NALF1: variants seen among roughly 807,000 people sequenced by gnomAD.
NALF1 encodes family with sequence similarity 155 member A.
A neutral mutation model predicts 48.4 loss-of-function variants in NALF1; 3 were observed. The ratio of observed to expected loss-of-function variants is 0.06; its 90% CI spans 0.03 to 0.16. NALF1 has a LOEUF of 0.16. Among genes scored for constraint, NALF1 ranks in the 10% least tolerant of loss-of-function variants. NALF1 has a pLI of 1.00. For synonymous variants in NALF1, 262 were observed against 245.7 expected (o/e 1.07, Z -0.62); for missense variants, 526 against 571.5 (o/e 0.92, Z 0.81).
At chr13:107,835,699 A>C (rs1879869437) in intron 1 of NALF1, among the ~76,000 whole-genome samples, 1 of 152,194 alleles carries the variant, frequency 6.6e-6, no homozygotes, top group South Asian at 2.1e-4. Flanking sequence ...AATAATATTC[A>C]AGCAATAGTG....
At chr13:107,704,967 C>A (rs1011184925) in intron 1 of NALF1, among the ~76,000 whole-genome samples, 2 of 152,166 alleles carry the variant, frequency 1.3e-5, no homozygotes, top group Non-Finnish European at 2.9e-5. Context: ...TCATGCCTGG[C>A]CTATATAACT....
chr13:107,806,029 G>A (rs986337000), intron 1 of NALF1, among the ~76,000 whole-genome samples: 2 of 152,246 alleles, frequency 1.3e-5, no homozygotes, highest in East Asian at 3.9e-4. Context: ...AGAAAGAAAC[G>A]AAGAAAGATT....
At chr13:107,766,095 T>C (rs1333727784) in intron 1 of NALF1, among the ~76,000 whole-genome samples, 2 of 152,192 alleles carry the variant, frequency 1.3e-5, no homozygotes, top group African/African-American at 4.8e-5. Flanking sequence ...CATTTGATGA[T>C]TGCCTTTCAT....
At chr13:107,397,503 T>C (rs1346782903) in intron 1 of NALF1, among the ~76,000 whole-genome samples, 1 of 152,236 alleles carries the variant, frequency 6.6e-6, no homozygotes, top group East Asian at 1.9e-4. Context: ...ACAAAAATGA[T>C]TGGCGGGCAC....
chr13:107,481,157 A>G (rs1021039469), intron 1 of NALF1, among the ~76,000 whole-genome samples: 6 of 152,174 alleles, frequency 3.9e-5, no homozygotes, highest in Non-Finnish European at 7.3e-5. Flanking sequence ...TTTGACAAAC[A>G]TATTACCACT....
chr13:107,627,925 A>G (rs1194859191), intron 1 of NALF1, among the ~76,000 whole-genome samples: 1 of 152,154 alleles, frequency 6.6e-6, no homozygotes, highest in Non-Finnish European at 1.5e-5. Context: ...CTAAAAAAAT[A>G]ATAATAAATA....
chr13:107,502,719 G>A (rs1875561826), intron 1 of NALF1, among the ~76,000 whole-genome samples: 1 of 152,116 alleles, frequency 6.6e-6, no homozygotes, highest in Non-Finnish European at 1.5e-5. Flanking sequence ...ACAGGCACAT[G>A]ATTAAATCTA....
intron 1 of NALF1, among the ~76,000 whole-genome samples, chr13:107,721,871 C>T (rs994568652): frequency 2.6e-5 from 4 of 152,140 alleles, no homozygotes; most frequent in Non-Finnish European, 4.4e-5. Flanking sequence ...ACAACACATC[C>T]CTACCGCAGA....
At chr13:107,345,335 C>T (rs1438411106) in intron 1 of NALF1, among the ~76,000 whole-genome samples, 1 of 151,940 alleles carries the variant, frequency 6.6e-6, no homozygotes, top group Non-Finnish European at 1.5e-5. Flanking sequence ...CTGGAAGGAC[C>T]CTGAATGGCC....
rs1443390910 is a variant in NALF1, at chr13:107,210,081, C to CACAT, written c.1087+502_1087+503insATGT. 3.9e-5 allele frequency among the ~76,000 whole-genome samples: 6 copies of CACAT among 151,974 alleles called. No individual in the cohort carries two copies. In the East Asian group the frequency reaches 1.2e-3, roughly 29 times the overall value. On this transcript the variant is annotated intron_variant, in intron 2 of 2. Coordinates refer to ENST00000375915, the MANE Select transcript of NALF1 (RefSeq NM_001080396.3). Reference sequence around the variant, plus strand: ...TGTGGCTCTAATAGACACACACACACACACACGTACAATTTAGGCAGATAT... The same window carrying CACAT: ...TGTGGCTCTAATAGACACACACACACACATACACACGTACAATTTAGGCAGATAT...
intron 1 of NALF1, among the ~76,000 whole-genome samples, chr13:107,622,238 G>A (rs1879538730): frequency 6.6e-6 from 1 of 151,964 alleles, no homozygotes; most frequent in African/African-American, 2.4e-5. Flanking sequence ...AGACCAGCCT[G>A]AACAACATGG....
intron 1 of NALF1, among the ~76,000 whole-genome samples, chr13:107,215,989 A>G (rs1879865660): frequency 6.6e-6 from 1 of 152,210 alleles, no homozygotes; most frequent in Non-Finnish European, 1.5e-5. Flanking sequence ...TTGGCTATAT[A>G]TTTTATCACA....
At chr13:107,483,577 G>C (rs1467867545) in intron 1 of NALF1, among the ~76,000 whole-genome samples, 1 of 151,956 alleles carries the variant, frequency 6.6e-6, no homozygotes, top group Non-Finnish European at 1.5e-5. Context: ...GAGATCACTA[G>C]ACAAAATAGA....
intron 1 of NALF1, among the ~76,000 whole-genome samples, chr13:107,856,823 G>C (rs1468001588): frequency 6.6e-6 from 1 of 152,142 alleles, no homozygotes; most frequent in Admixed American, 6.5e-5. Context: ...TCTCTAGGGT[G>C]GTGGCCGACA....
intron 1 of NALF1, among the ~76,000 whole-genome samples, chr13:107,620,981 AGT>A (rs1023984598): frequency 7.9e-5 from 12 of 151,696 alleles, no homozygotes; most frequent in African/African-American, 2.9e-4. Flanking sequence ...GCTGTGTGTG[AGT>A]GTGTGCGTGT....
At chr13:107,395,116 T>C (rs1244487734) in intron 1 of NALF1, among the ~76,000 whole-genome samples, 1 of 152,196 alleles carries the variant, frequency 6.6e-6, no homozygotes, top group African/African-American at 2.4e-5. Flanking sequence ...AGAATGTTAA[T>C]GTTCTCAGAG....
At chr13:107,743,736 T>C (rs1228814259) in intron 1 of NALF1, among the ~76,000 whole-genome samples, 1 of 152,296 alleles carries the variant, frequency 6.6e-6, no homozygotes, top group East Asian at 1.9e-4. Context: ...TGAGTGCTTC[T>C]GTTTGCCTAT....
At chr13:107,786,243 G>T (rs900360689) in intron 1 of NALF1, among the ~76,000 whole-genome samples, 1 of 151,258 alleles carries the variant, frequency 6.6e-6, no homozygotes, top group African/African-American at 2.4e-5. Context: ...ATGGTGAAAC[G>T]CCATCTCTAC....
At chr13:107,269,288 T>C (rs1408903580) in intron 1 of NALF1, among the ~76,000 whole-genome samples, 1 of 152,022 alleles carries the variant, frequency 6.6e-6, no homozygotes, top group Non-Finnish European at 1.5e-5. Context: ...GATGGTGATG[T>C]GGCTGGAGGA....
Sources: gnomAD v4.1 joint callset for allele counts (sites outside exome capture counted in the v4.1 genomes callset) on GRCh38, gnomAD v4.1.1 for gene constraint, MANE v1.5 for transcripts, NCBI Gene and HGNC (gene_info 2026-07-23, HGNC 2026-07-21) for gene names.